Variants in SMARCC1 observed in about 807,000 individuals in gnomAD.
The protein encoded by SMARCC1 is SWI/SNF complex subunit SMARCC1.
SMARCC1 carries 43 observed loss-of-function variants against 147.4 expected under a neutral mutation model. The observed-to-expected ratio is 0.29, with a 90% CI of 0.23 to 0.38. The LOEUF (loss-of-function observed/expected upper bound fraction) is 0.38. Among genes scored for constraint, SMARCC1 ranks in the 10% least tolerant of loss-of-function variants. The pLI is 1.00. For missense variants in SMARCC1, 1,119 were observed against 1,381.1 expected, an observed-to-expected ratio of 0.81 and a Z score of 3.01; for synonymous variants, 495 against 484.4, an observed-to-expected ratio of 1.02 and a Z score of -0.29.
intron 5 of SMARCC1, among the ~76,000 whole-genome samples, chr3:47,730,511 TAC>T (rs766570343): frequency 3.7e-4 from 57 of 152,176 alleles, no homozygotes; most frequent in African/African-American, 1.3e-3. Context: ...AAGTTAAGTT[TAC>T]ACAGTTTTAG....
intron 7 of SMARCC1, among the ~76,000 whole-genome samples, chr3:47,718,489 A>G (rs1307189346): frequency 6.6e-6 from 1 of 152,138 alleles, no homozygotes; most frequent in African/African-American, 2.4e-5. Flanking sequence ...AACACTTATG[A>G]TTCAAATGGT....
Position 47,590,703 on chromosome 3 carries a change from T to A in SMARCC1, c.3178A>T (p.Ile1060Phe), listed in dbSNP as rs759032588. 1 of 1,568,052 alleles carries A rather than the reference T, an allele frequency of 6.4e-7. No homozygotes were observed. The highest frequency in any genetic ancestry group is 8.6e-7 in the Non-Finnish European group (1 of 1,163,086). ...PPGMPPMPGNILGPRVPLTAP... is the reference protein window; with the variant it reads ...PPGMPPMPGNFLGPRVPLTAP... ...GTCAGGGGTACCCGGGGTCCTAAGA[T>A]GTTTCCTGGCATTGGTGGCATGCCA... Residue 1060 changes from isoleucine to phenylalanine, a missense_variant, in exon 27 of 28, where the codon ATC becomes TTC. By Grantham distance (21) the Ile-to-Phe change is conservative. Around this residue, in one of 6 missense-constraint regions of SMARCC1, gnomAD observed 186 missense variants for 216.5 expected, o/e 0.86. Coordinates refer to ENST00000254480, the MANE Select transcript of SMARCC1 (RefSeq NM_003074.4).
intron 1 of SMARCC1, among the ~76,000 whole-genome samples, chr3:47,779,576 G>T (rs2035017105): frequency 6.6e-6 from 1 of 152,162 alleles, no homozygotes; most frequent in Non-Finnish European, 1.5e-5. Flanking sequence ...AAGTCTCAGG[G>T]ATAGTGAATC....
intron 2 of SMARCC1, among the ~76,000 whole-genome samples, chr3:47,766,085 A>G (rs1332519139): frequency 6.6e-6 from 1 of 152,162 alleles, no homozygotes; most frequent in Admixed American, 6.6e-5. Context: ...GCATAAGGGT[A>G]CATGTTCTCA....
At chr3:47,661,264 C>A (rs1452192216) in intron 21 of SMARCC1, 30 bp downstream of exon 21, 5 of 1,577,752 alleles carry the variant, frequency 3.2e-6, no homozygotes, top group South Asian at 2.4e-5. Flanking sequence ...CATATATTAA[C>A]CCTGTCCCTT....
At chr3:47,633,771 T>TACAC (rs1358395461) in intron 24 of SMARCC1, among the ~76,000 whole-genome samples, 1 of 13,924 alleles carries the variant, frequency 7.2e-5, no homozygotes, top group African/African-American at 1.0e-4. Flanking sequence ...AAAATATATA[T>TACAC]ATATATATAC....
intron 22 of SMARCC1, among the ~76,000 whole-genome samples, chr3:47,637,582 C>T (rs1380060248): frequency 1.3e-5 from 2 of 152,038 alleles, no homozygotes; most frequent in Non-Finnish European, 2.9e-5. Context: ...TGTGGTGGCG[C>T]GTGGCTGTAA....
chr3:47,660,175 G>A (rs1156603824), intron 21 of SMARCC1, among the ~76,000 whole-genome samples: 9 of 151,958 alleles, frequency 5.9e-5, no homozygotes, highest in South Asian at 4.2e-4. Context: ...GGCCAGGTGC[G>A]GTGGCTCATG....
chr3:47,734,586 G>GT (rs1413381554), intron 5 of SMARCC1, among the ~76,000 whole-genome samples: 1 of 152,144 alleles, frequency 6.6e-6, no homozygotes, highest in Non-Finnish European at 1.5e-5. Context: ...TATCTTCTAC[G>GT]TAAGTCTCCT....
At chr3:47,734,694 G>T (rs1353041438) in intron 5 of SMARCC1, among the ~76,000 whole-genome samples, 1 of 152,190 alleles carries the variant, frequency 6.6e-6, no homozygotes, top group African/African-American at 2.4e-5. Context: ...CTAAAATGAA[G>T]TCAGAAGAAG....
intron 7 of SMARCC1, among the ~76,000 whole-genome samples, chr3:47,718,662 A>G (rs2106807449): frequency 6.6e-6 from 1 of 152,160 alleles, no homozygotes; most frequent in South Asian, 2.1e-4. Context: ...GAATTTACTC[A>G]TGTAACCACA....
intron 1 of SMARCC1, among the ~76,000 whole-genome samples, chr3:47,780,718 G>A (rs191838084): frequency 6.6e-6 from 1 of 152,026 alleles, no homozygotes; most frequent in Non-Finnish European, 1.5e-5. Context: ...AGAAAGTACA[G>A]AACTAAAGAG....
intron 3 of SMARCC1, among the ~76,000 whole-genome samples, chr3:47,739,083 G>A (rs915416435): frequency 2.0e-5 from 3 of 152,054 alleles, no homozygotes; most frequent in African/African-American, 7.2e-5. Flanking sequence ...TACCTACTTT[G>A]TTTTTGCTCT....
chr3:47,716,785 C>A (rs2034161322), intron 7 of SMARCC1, among the ~76,000 whole-genome samples: 1 of 152,134 alleles, frequency 6.6e-6, no homozygotes, highest in African/African-American at 2.4e-5. Context: ...AGCCTTTAGA[C>A]TGGGAGTGCT....
intron 25 of SMARCC1, among the ~76,000 whole-genome samples, chr3:47,611,495 T>C (rs2032564344): frequency 6.6e-6 from 1 of 152,210 alleles, no homozygotes; most frequent in Admixed American, 6.5e-5. Flanking sequence ...TAAAACATCA[T>C]TTCACCTGTT....
chr3:47,745,243 C>A (rs751070988), intron 3 of SMARCC1, among the ~76,000 whole-genome samples: 1 of 151,922 alleles, frequency 6.6e-6, no homozygotes, highest in Non-Finnish European at 1.5e-5. Flanking sequence ...GGCGAAAAAG[C>A]GCAACTAAGT....
chr3:47,746,621 T>C (rs947960957), intron 2 of SMARCC1, among the ~76,000 whole-genome samples: 1 of 151,936 alleles, frequency 6.6e-6, no homozygotes, highest in African/African-American at 2.4e-5. Flanking sequence ...CCCAAAAGAA[T>C]TCCTTTTAAA....
chr3:47,663,694 T>A, intron 19 of SMARCC1: 1 of 1,487,986 alleles, frequency 6.7e-7, no homozygotes, highest in Non-Finnish European at 9.4e-7. Flanking sequence ...TTAGCCCCAC[T>A]GTTTACAGGA....
At chr3:47,622,390 G>T in intron 24 of SMARCC1, 49 bp from the exon 25 acceptor site, 2 of 1,564,270 alleles carry the variant, frequency 1.3e-6, no homozygotes, top group Non-Finnish European at 8.8e-7. Context: ...TTTGCTTAAA[G>T]AACATTAAGA....
Sources: allele counts gnomAD v4.1 joint callset (sites outside exome capture counted in the v4.1 genomes callset), GRCh38; gene constraint gnomAD v4.1.1; regional missense constraint gnomAD v4.1.1; transcripts MANE v1.5; gene names NCBI Gene and HGNC (gene_info 2026-07-23, HGNC 2026-07-21).